Variants in FCAR observed in about 807,000 individuals in gnomAD.
FCAR encodes the protein Fc alpha receptor, also known as immunoglobulin alpha Fc receptor.
Under a neutral mutation model 27.1 loss-of-function variants are expected in FCAR, and 21 were observed. The ratio of observed to expected loss-of-function variants is 0.77; its 90% CI spans 0.55 to 1.11. The LOEUF is 1.11. FCAR is among the 50% of genes most tolerant of loss of function. FCAR has a pLI of 0.00. For missense variants in FCAR, 404 were observed against 358.4 expected (o/e 1.13, Z -1.03); for synonymous variants, 134 against 135.8 (o/e 0.99, Z 0.09).
At chr19:54,885,212 G>T (rs758040420) in intron 2 of FCAR, 23 bp from the exon 3 acceptor site, 2 of 1,605,098 alleles carry the variant, frequency 1.2e-6, no homozygotes, top group Non-Finnish European at 1.7e-6. Context: ...AGCCACCTCA[G>T]TCTGGGCTTT....
chr19:54,879,500 T>C (rs149785107), intron 2 of FCAR, among the ~76,000 whole-genome samples: 1,792 of 152,294 alleles, frequency 0.012, 32 homozygotes, highest in African/African-American at 0.04. Flanking sequence ...CCTTCACTTA[T>C]GAAACTTAGT....
chr19:54,890,724 A>T lies in FCAR; in HGVS notation c.*861A>T, dbSNP rs143675785. On this transcript the variant is annotated 3_prime_UTR_variant, in exon 5 of 5. Transcript: ENST00000355524. The stretch of plus-strand genomic sequence containing the variant: ...ATTACAGATGTGAGCCACTGCGCCC[A>T]GCCTTCTTTTTATATTTTTAAATGT... 7.9e-5 allele frequency: 12 copies of T among 152,204 alleles called. No homozygotes were observed. Among genetic ancestry groups the T allele is most frequent in the African/African-American group, 2.6e-4 (11 of 41,526 alleles). 9.4% of individuals were successfully genotyped at this position (152,204 alleles called of 1,614,324 possible). A position where few individuals can be genotyped will look rare whatever the true frequency, so the allele number is the denominator to read the frequency against.
chr19:54,881,629 T>C (rs1388390292), intron 2 of FCAR, among the ~76,000 whole-genome samples: 2 of 151,824 alleles, frequency 1.3e-5, no homozygotes, highest in Non-Finnish European at 1.5e-5. Flanking sequence ...TCCCAGCACT[T>C]TGGGAGGCCG....
At chr19:54,883,428 C>T (rs10418998) in intron 2 of FCAR, among the ~76,000 whole-genome samples, 9,445 of 152,212 alleles carry the variant, frequency 0.062, 920 homozygotes, top group African/African-American at 0.21. Context: ...GTTCTGCCCA[C>T]GGGGCTCCCT....
At chr19:54,875,442 C>T (rs2066042161) in intron 2 of FCAR, 77 bp downstream of exon 2, 4 of 1,140,622 alleles carry the variant, frequency 3.5e-6, no homozygotes, top group Non-Finnish European at 5.2e-6. Flanking sequence ...GAAGAATAGC[C>T]TGAAGCACCA....
At chr19:54,882,156 G>A (rs990615378) in intron 2 of FCAR, among the ~76,000 whole-genome samples, 2 of 152,168 alleles carry the variant, frequency 1.3e-5, no homozygotes, top group Non-Finnish European at 2.9e-5. Context: ...GGGAGCTCAC[G>A]GGGAAGAGAG....
At chr19:54,879,240 T>A (rs2145855039) in intron 2 of FCAR, among the ~76,000 whole-genome samples, 1 of 152,332 alleles carries the variant, frequency 6.6e-6, no homozygotes, top group East Asian at 1.9e-4. Flanking sequence ...TCCATTTACA[T>A]TCAAAGTTAG....
chr19:54,881,984 C>T (rs1209733985), intron 2 of FCAR, among the ~76,000 whole-genome samples: 1 of 152,234 alleles, frequency 6.6e-6, no homozygotes, highest in African/African-American at 2.4e-5. Flanking sequence ...AGATCACGGG[C>T]AGCAGAGGCA....
rs1265876413 is a variant in FCAR, at chr19:54,888,008, C to T, written c.363C>T (p.Gly121=). The stretch of plus-strand genomic sequence containing the variant: ...ATAGCTCACTCTTTTCTCTCTTAGG[C>T]TTGTATGGCAAACCCTTCCTCTCTG... The part of the protein sequence containing the change: ...YSDTLELVVT[G]LYGKPFLSAD... Residue 121 remains glycine (G), a splice_region_variant and synonymous_variant, in exon 4 of 5, where the codon GGC becomes GGT. Transcript: ENST00000355524. 1.2e-6 allele frequency: 2 copies of T among 1,610,372 alleles called. No individual in the cohort carries two copies. The highest frequency in any genetic ancestry group is 1.7e-6 in the Non-Finnish European group (2 of 1,177,378).
intron 2 of FCAR, among the ~76,000 whole-genome samples, chr19:54,877,719 A>C (rs28536683): frequency 0.28 from 43,057 of 151,788 alleles, 6,223 homozygotes; most frequent in South Asian, 0.39. Flanking sequence ...AGCTTTTTGA[A>C]GTGGGAGTTT....
chr19:54,880,465 T>A (rs1443877628), intron 2 of FCAR, among the ~76,000 whole-genome samples: 3 of 152,200 alleles, frequency 2.0e-5, no homozygotes, highest in Non-Finnish European at 4.4e-5. Flanking sequence ...TTTATTGTAA[T>A]CTTTAGGTTC....
intron 2 of FCAR, among the ~76,000 whole-genome samples, chr19:54,878,357 G>T (rs1461072668): frequency 1.3e-5 from 2 of 152,158 alleles, no homozygotes; most frequent in African/African-American, 2.4e-5. Flanking sequence ...CCACTGCTGA[G>T]TTCAGGTCCT....
In FCAR at chr19:54,889,962, T is replaced by C; in HGVS notation, c.*99T>C. The C allele has an allele frequency of 1.1e-6, 1 of 884,270 alleles. No individual in the cohort carries two copies. Among genetic ancestry groups the C allele is most frequent in the Non-Finnish European group, 1.7e-6 (1 of 578,764 alleles). 54.8% of individuals were successfully genotyped at this position (884,270 alleles called of 1,614,324 possible). On this transcript the variant is annotated 3_prime_UTR_variant, in exon 5 of 5. Coordinates refer to ENST00000355524, the MANE Select transcript of FCAR (RefSeq NM_002000.4). The stretch of plus-strand genomic sequence containing the variant: ...AAAAGCTCACTAAGAAGCTTGAATC[T>C]ACTTTTTTTTTTTTTTGAGACAGAG...
At chr19:54,882,419 GATTCTTTTTTTTT>G (rs2066472650) in intron 2 of FCAR, among the ~76,000 whole-genome samples, 1 of 146,108 alleles carries the variant, frequency 6.8e-6, no homozygotes, top group Non-Finnish European at 1.5e-5. Flanking sequence ...TTCTTGTGTT[GATTCTTTTTTTTT>G]TTTCTTTTTT....
At position 54,874,296 on chromosome 19, in the gene FCAR, C is replaced by T. The variant is rs1194233028; in HGVS notation, c.7C>T (p.Pro3Ser). Residue 3 changes from proline to serine, a missense_variant, in exon 1 of 5, where the codon CCC becomes TCC. Physicochemically the swap from Pro to Ser is moderately conservative, Grantham distance 74 (BLOSUM62 -1). Coordinates refer to ENST00000355524, the MANE Select transcript of FCAR (RefSeq NM_002000.4). ...CTGAGGCCGTGTCAGCACGATGGAC[C>T]CCAAACAGACCACCCTCCTGTGTCT... Reference protein sequence around the residue: MDPKQTTLLCLVL... With the variant: MDSKQTTLLCLVL... 1 of 1,613,970 alleles carries T rather than the reference C, an allele frequency of 6.2e-7. No individual in the cohort carries two copies.
intron 2 of FCAR, among the ~76,000 whole-genome samples, chr19:54,879,275 T>A (rs1297515265): frequency 6.6e-6 from 1 of 152,228 alleles, no homozygotes; most frequent in African/African-American, 2.4e-5. Flanking sequence ...GATTTTTTCC[T>A]GTCATCATGT....
intron 2 of FCAR, among the ~76,000 whole-genome samples, chr19:54,875,602 G>A (rs895834117): frequency 5.3e-5 from 8 of 152,334 alleles, no homozygotes; most frequent in Non-Finnish European, 1.2e-4. Flanking sequence ...TGTCCATGAA[G>A]GATCTGTAAT....
At chr19:54,883,727 G>C (rs1048137990) in intron 2 of FCAR, among the ~76,000 whole-genome samples, 1 of 152,102 alleles carries the variant, frequency 6.6e-6, no homozygotes, top group Admixed American at 6.5e-5. Context: ...GGCCGAGATG[G>C]GCAGATTGCG....
chr19:54,878,249 T>C (rs376117213), intron 2 of FCAR, among the ~76,000 whole-genome samples: 2 of 152,336 alleles, frequency 1.3e-5, no homozygotes, highest in Middle Eastern at 3.4e-3. Flanking sequence ...GATTGTATGA[T>C]TGACTTTAGA....
Sources: gnomAD v4.1 joint callset for allele counts (sites outside exome capture counted in the v4.1 genomes callset) on GRCh38, gnomAD v4.1.1 for gene constraint, MANE v1.5 for transcripts, NCBI Gene and HGNC (gene_info 2026-07-23, HGNC 2026-07-21) for gene names.